The following TGM3 variants were observed in gnomAD, a reference collection of about 807,000 sequenced individuals.
TGM3 encodes the protein protein-glutamine gamma-glutamyltransferase E.
TGM3 carries 52 observed loss-of-function variants against 73.8 expected under a neutral mutation model. That is an observed-to-expected ratio of 0.70 (90% CI 0.56 to 0.89). TGM3 has a LOEUF of 0.89. TGM3 is among the 40% of genes least tolerant of loss of function. The pLI, the probability that TGM3 is intolerant of heterozygous loss-of-function variation, is 0.00. For synonymous variants in TGM3, 372 were observed against 354.9 expected (o/e 1.05, Z -0.54); for missense variants, 928 against 909.9 (o/e 1.02, Z -0.26).
At chr20:2,308,103 TC>T (rs2084184646) in intron 1 of TGM3, among the ~76,000 whole-genome samples, 1 of 152,090 alleles carries the variant, frequency 6.6e-6, no homozygotes, top group Non-Finnish European at 1.5e-5. Context: ...AGGCCTGTAG[TC>T]CCAGTTACTA....
rs755354776 is a variant in TGM3, at chr20:2,296,018, G to T, written c.-46G>T. On this transcript the variant is annotated 5_prime_UTR_variant, in exon 1 of 13. Coordinates refer to ENST00000381458, the MANE Select transcript of TGM3 (RefSeq NM_003245.4). ...GGCAGCCTGTCTGTCAGCACTGTCC[G>T]TGCCATTCCCAGAGGAGCCTGAGAA... 15 of 1,551,012 alleles carry T rather than the reference G, an allele frequency of 9.7e-6. No homozygotes were observed. In the South Asian group the frequency reaches 1.4e-4, roughly 15 times the overall value.
intron 8 of TGM3, among the ~76,000 whole-genome samples, chr20:2,326,790 C>T (rs371599119): frequency 1.3e-5 from 2 of 151,732 alleles, no homozygotes; most frequent in Admixed American, 6.6e-5. Flanking sequence ...GAGGTAAAGC[C>T]GTGAGCCGAG....
intron 7 of TGM3, among the ~76,000 whole-genome samples, chr20:2,319,543 G>A (rs541179336): frequency 6.6e-6 from 1 of 152,298 alleles, no homozygotes; most frequent in East Asian, 1.9e-4. Context: ...CCTGGTTAGT[G>A]ATTCACACTG....
At chr20:2,303,152 T>A (rs2084159550) in intron 1 of TGM3, among the ~76,000 whole-genome samples, 1 of 151,764 alleles carries the variant, frequency 6.6e-6, no homozygotes, top group African/African-American at 2.4e-5. Flanking sequence ...TACAAAAAAA[T>A]TAGCCGGGCG....
chr20:2,332,474 T>C lies in TGM3; in HGVS notation c.1642+164T>C, dbSNP rs2084326830. 6.6e-6 allele frequency among the ~76,000 whole-genome samples: 1 copy of C among 152,200 alleles called. No individual in the cohort carries two copies. Among genetic ancestry groups the C allele is most frequent in the East Asian group, 1.9e-4 (1 of 5,190 alleles). ...TTAATGCTTTGGAAGTTTCTGTCTCTATGAACAGAGTGATGCCAACCAAAT... is the reference window on the plus strand; with the variant it reads ...TTAATGCTTTGGAAGTTTCTGTCTCCATGAACAGAGTGATGCCAACCAAAT... On this transcript the variant is annotated intron_variant, in intron 10 of 12. Transcript: ENST00000381458. The surrounding 1 kb of genome is among the most constrained non-coding windows in gnomAD (Gnocchi z 4.4).
At chr20:2,317,045 T>C (rs752904526) in intron 5 of TGM3, 23 bp from the exon 6 acceptor site, 1 of 1,611,256 alleles carries the variant, frequency 6.2e-7, no homozygotes, top group Non-Finnish European at 8.5e-7. Flanking sequence ...CTGACTCATT[T>C]TGGGGGGGTG....
intron 3 of TGM3, 95 bp from the exon 4 acceptor site, chr20:2,310,916 C>T (rs907763995): frequency 3.6e-6 from 4 of 1,116,662 alleles, no homozygotes; most frequent in Non-Finnish European, 5.4e-6. Flanking sequence ...TTGCTCCAAC[C>T]CCCAGGCCGG....
chr20:2,318,924 C>T (rs1380599561), intron 7 of TGM3, among the ~76,000 whole-genome samples: 1 of 152,166 alleles, frequency 6.6e-6, no homozygotes, highest in African/African-American at 2.4e-5. Context: ...AAAAGCATCC[C>T]TTCCCTTCTG....
chr20:2,326,022 G>A, intron 8 of TGM3, 70 bp downstream of exon 8: 1 of 1,446,620 alleles, frequency 6.9e-7, no homozygotes, highest in Non-Finnish European at 9.5e-7. Flanking sequence ...AGCAGCATAG[G>A]GAAGTAACTC....
At position 2,317,352 on chromosome 20, in the gene TGM3, C is replaced by T. The variant is rs1200931037; in HGVS notation, c.850C>T (p.Leu284=). 2 of 1,614,226 alleles carry T rather than the reference C, an allele frequency of 1.2e-6. No individual in the cohort carries two copies. The highest frequency in any genetic ancestry group is 1.7e-5 in the Admixed American group (1 of 60,028). Reference sequence around the variant, plus strand: ...CTCACGCCCACCCTGACTTGCAGCGCTGCGGTCTTTGGGGATTCCTTCCCG... The same window carrying T: ...CTCACGCCCACCCTGACTTGCAGCGTTGCGGTCTTTGGGGATTCCTTCCCG... ...WVFAGTLNTA[L]RSLGIPSRVI... Residue 284 remains leucine, a splice_region_variant and synonymous_variant, in exon 7 of 13, where the codon CTG becomes TTG. Coordinates refer to ENST00000381458, the MANE Select transcript of TGM3 (RefSeq NM_003245.4).
intron 7 of TGM3, among the ~76,000 whole-genome samples, chr20:2,323,885 G>T (rs6048154): frequency 4.6e-5 from 7 of 152,140 alleles, no homozygotes; most frequent in Admixed American, 3.3e-4. Flanking sequence ...TTGCCTGCTC[G>T]TTGCTATTTA....
chr20:2,315,360 A>G (rs796943387), intron 5 of TGM3, among the ~76,000 whole-genome samples: 7 of 152,256 alleles, frequency 4.6e-5, no homozygotes, highest in African/African-American at 1.7e-4. Context: ...GCCACTTTGG[A>G]GGCTGGAGCA....
At chr20:2,322,313 G>A (rs2084266635) in intron 7 of TGM3, among the ~76,000 whole-genome samples, 1 of 152,038 alleles carries the variant, frequency 6.6e-6, no homozygotes, top group Non-Finnish European at 1.5e-5. Context: ...TTACAGAATT[G>A]GGATGATACA....
chr20:2,340,493 G>A lies in TGM3; in HGVS notation c.1994G>A (p.Arg665Gln), dbSNP rs149720612. The change falls in exon 13 of 13, where the codon CGG (arginine) becomes CAG (glutamine). Residue 665 changes from arginine to glutamine, a missense_variant. Arg to Gln is a conservative substitution (Grantham distance 43). Coordinates refer to ENST00000381458, the MANE Select transcript of TGM3 (RefSeq NM_003245.4). ...GTCCGTTTTGATATCCTGCCCTCCC[G>A]GAGTGGCACCAAGCAACTGCTCGCC... ...SRVRFDILPS[R>Q]SGTKQLLADF... The A allele has an allele frequency of 4.3e-4, 686 of 1,614,088 alleles. 3 individuals are homozygous for A. The East Asian group carries it at 7.0e-3, about 16-fold the overall frequency.
intron 8 of TGM3, among the ~76,000 whole-genome samples, chr20:2,326,175 C>G (rs932033493): frequency 2.6e-5 from 4 of 152,268 alleles, no homozygotes; most frequent in Admixed American, 2.6e-4. Flanking sequence ...TGTTGCTGCA[C>G]AGAGCCTTGG....
At chr20:2,308,563 C>T (rs2084186510) in intron 1 of TGM3, among the ~76,000 whole-genome samples, 3 of 152,144 alleles carry the variant, frequency 2.0e-5, no homozygotes, top group Non-Finnish European at 4.4e-5. Context: ...CGGGTCTTAT[C>T]CAGGTCATTC....
rs1368388913 is a variant in TGM3, at chr20:2,340,807, C to T, written c.*226C>T. 8 of 666,692 alleles carry T rather than the reference C, an allele frequency of 1.2e-5. No individual in the cohort carries two copies. Among genetic ancestry groups the T allele is most frequent in the East Asian group, 3.0e-5 (1 of 32,794 alleles). The allele number at this position is 666,692 out of a possible 1,614,324, so 41.3% of individuals were successfully genotyped here. A position where few individuals can be genotyped will look rare whatever the true frequency, so the allele number is the denominator to read the frequency against. On this transcript the variant is annotated 3_prime_UTR_variant, in exon 13 of 13. Coordinates refer to ENST00000381458, the MANE Select transcript of TGM3 (RefSeq NM_003245.4). ...TGATCACTTTTGCACATTCCCTGGCCGCTTCTCCCCAGAGCTGCCTGCTCT... is the reference window on the plus strand; with the variant it reads ...TGATCACTTTTGCACATTCCCTGGCTGCTTCTCCCCAGAGCTGCCTGCTCT...
Position 2,328,246 on chromosome 20 carries a change from C to A in TGM3, c.1214C>A (p.Thr405Asn), listed in dbSNP as rs771724814. 1.9e-6 allele frequency: 3 copies of A among 1,614,190 alleles called. No individual in the cohort carries two copies. The highest frequency in any genetic ancestry group is 1.3e-5 in the African/African-American group (1 of 75,032). Residue 405 changes from threonine (T) to asparagine (N), a missense_variant, in exon 9 of 13, where the codon ACC becomes AAC. Coordinates refer to ENST00000381458, the MANE Select transcript of TGM3 (RefSeq NM_003245.4). This position sits in a 1 kb window ranked among gnomAD's most constrained non-coding sequence, Gnocchi z 5.2. ...ADRITWLYDN[T>N]TGKQWKNSVN... ...CGCATCACCTGGCTGTACGACAACA[C>A]CACTGGCAAACAGTGGAAGAATTCC...
intron 1 of TGM3, among the ~76,000 whole-genome samples, chr20:2,305,488 C>T (rs1209247862): frequency 2.0e-5 from 3 of 152,224 alleles, no homozygotes. Flanking sequence ...AGTTAAACTA[C>T]CTGGTCTCTC....
Sources: gnomAD v4.1 joint callset for allele counts (sites outside exome capture counted in the v4.1 genomes callset) on GRCh38, gnomAD v4.1.1 for gene constraint, Gnocchi (gnomAD v3.1) non-coding constraint, MANE v1.5 for transcripts, NCBI Gene and HGNC (gene_info 2026-07-23, HGNC 2026-07-21) for gene names.